GCC2: variants seen among roughly 807,000 people sequenced by gnomAD.
GCC2 encodes the protein GRIP and coiled-coil domain containing 2.
Under a neutral mutation model 210.6 loss-of-function variants are expected in GCC2, and 120 were observed. The ratio of observed to expected loss-of-function variants is 0.57; its 90% CI spans 0.49 to 0.66. The LOEUF is 0.66. GCC2 is among the 30% of genes least tolerant of loss of function. GCC2 has a pLI of 0.00. For synonymous variants in GCC2, 703 were observed against 652.7 expected (o/e 1.08, Z -1.17); for missense variants, 1,868 against 1,871.9 (o/e 1.00, Z 0.04).
rs150006188 is a variant in GCC2 at position 108,488,411 on chromosome 2, T to A, written c.4052+591T>A. Among the ~76,000 whole-genome samples, 721 of 152,312 alleles carry A rather than the reference T, an allele frequency of 4.7e-3. 7 individuals are homozygous for A. The highest frequency in any genetic ancestry group is 0.013 in the African/African-American group (547 of 41,574). ...GGCTAACAGTTCAATCTTAATAAGA[T>A]CTTGTCGTGGTAGAAATACAGGCAT... On this transcript the variant is annotated intron_variant, in intron 17 of 22. Transcript: ENST00000309863.
At chr2:108,458,587 A>AAAG (rs1680392411) in intron 4 of GCC2, among the ~76,000 whole-genome samples, 1 of 151,086 alleles carries the variant, frequency 6.6e-6, no homozygotes, top group Non-Finnish European at 1.5e-5. Flanking sequence ...TTTATTACTG[A>AAAG]TTCGTTCTTG....
chr2:108,505,007 C>T (rs1041050233), intron 22 of GCC2, among the ~76,000 whole-genome samples: 1 of 152,148 alleles, frequency 6.6e-6, no homozygotes, highest in Non-Finnish European at 1.5e-5. Flanking sequence ...GGATATAGAA[C>T]CTTATCAGAA....
chr2:108,489,727 A>C, intron 17 of GCC2, 111 bp from the exon 18 acceptor site: 2 of 583,414 alleles, frequency 3.4e-6, no homozygotes, highest in Non-Finnish European at 5.9e-6. Flanking sequence ...TTTCCTTTAG[A>C]ATCATCCAAG....
rs554151460 is a variant in GCC2, at chr2:108,505,400, C to T, written c.4985-2160C>T. On this transcript the variant is annotated intron_variant, in intron 22 of 22. Coordinates refer to ENST00000309863, the MANE Select transcript of GCC2 (RefSeq NM_181453.4). ...AAGACAGACTTCTCAGAATTCTTTGCCCTCATTCCCTCCTCCAGAAATTCA... is the reference window on the plus strand; with the variant it reads ...AAGACAGACTTCTCAGAATTCTTTGTCCTCATTCCCTCCTCCAGAAATTCA... Among the ~76,000 whole-genome samples the T allele has an allele frequency of 3.9e-5, 6 of 152,318 alleles. No homozygotes were observed. In the South Asian group the frequency reaches 1.0e-3, roughly 26 times the overall value.
intron 13 of GCC2, among the ~76,000 whole-genome samples, chr2:108,485,381 T>C (rs1252538360): frequency 1.3e-5 from 2 of 152,156 alleles, no homozygotes; most frequent in African/African-American, 4.8e-5. Flanking sequence ...CTTTAACATT[T>C]CTTAAGTACC....
chr2:108,495,553 T>G (rs1682611366), intron 20 of GCC2, 68 bp downstream of exon 20: 2 of 1,086,676 alleles, frequency 1.8e-6, no homozygotes, highest in Non-Finnish European at 2.6e-6. Context: ...ACTATTACTC[T>G]AAGTTACATA....
chr2:108,451,158 T>C, intron 3 of GCC2, 46 bp downstream of exon 3: 1 of 1,135,288 alleles, frequency 8.8e-7, no homozygotes, highest in Non-Finnish European at 1.3e-6. Context: ...TCTTTAATCG[T>C]GGTTTAAAAT....
rs78477242 is a variant in GCC2, at chr2:108,449,810, G to T, written c.63+121G>T. On this transcript the variant is annotated intron_variant, in intron 2 of 22. Coordinates refer to ENST00000309863, the MANE Select transcript of GCC2 (RefSeq NM_181453.4). ...TTTTTTTAATAGCCTTGCTCCAAGG[G>T]ATCTCAATTTTAGTGTGCGCAATCG... 21,178 of 712,786 alleles carry T rather than the reference G, an allele frequency of 0.03. 440 individuals carry two copies. The highest frequency in any genetic ancestry group is 0.08 in the Middle Eastern group (199 of 2,482). 44.2% of individuals were successfully genotyped at this position (712,786 alleles called of 1,614,324 possible).
chr2:108,464,907 A>C (rs886990240), intron 4 of GCC2, among the ~76,000 whole-genome samples: 1 of 152,174 alleles, frequency 6.6e-6, no homozygotes, highest in African/African-American at 2.4e-5. Flanking sequence ...TATTTATGGC[A>C]GAAGGCAAAG....
At chr2:108,504,592 C>T (rs1191746364) in intron 22 of GCC2, among the ~76,000 whole-genome samples, 2 of 152,090 alleles carry the variant, frequency 1.3e-5, no homozygotes, top group African/African-American at 4.8e-5. Context: ...TCACCTTGCC[C>T]CCACACACAT....
chr2:108,483,895 G>C (rs778386273), intron 12 of GCC2, among the ~76,000 whole-genome samples: 20 of 152,278 alleles, frequency 1.3e-4, no homozygotes, highest in Non-Finnish European at 2.1e-4. Context: ...ACAGCTGCTA[G>C]TTGTAGTTAG....
At chr2:108,507,430 G>C in intron 22 of GCC2, 130 bp from the exon 23 acceptor site, 2 of 480,386 alleles carry the variant, frequency 4.2e-6, no homozygotes, top group South Asian at 3.0e-5. Flanking sequence ...AAAAAGGCAT[G>C]TAATCAGTAA....
intron 6 of GCC2, among the ~76,000 whole-genome samples, chr2:108,472,386 A>C (rs1408142256): frequency 1.3e-5 from 2 of 152,124 alleles, no homozygotes; most frequent in African/African-American, 4.8e-5. Flanking sequence ...GAAGTTTATT[A>C]GTCACTAGCA....
chr2:108,486,533 C>T lies in GCC2; in HGVS notation c.3815C>T (p.Ser1272Leu), dbSNP rs754477036. The change falls in exon 16 of 23, where the codon TCA (serine) becomes TTA (leucine). Residue 1272 changes from serine to leucine, a missense_variant. By Grantham distance (145) the Ser-to-Leu change is moderately radical. Around this residue, in one of 3 missense-constraint regions of GCC2, gnomAD observed 1,847 missense variants for 1,765.2 expected, o/e 1.05. Coordinates refer to ENST00000309863, the MANE Select transcript of GCC2 (RefSeq NM_181453.4). ...VYKIQLAEITSEKHKIHEHLK... is the reference protein window; with the variant it reads ...VYKIQLAEITLEKHKIHEHLK... ...CAGATACAGCTGGCTGAAATAACATCAGAGAAGCACAAAATCCACGAGCAC... is the reference window on the plus strand; with the variant it reads ...CAGATACAGCTGGCTGAAATAACATTAGAGAAGCACAAAATCCACGAGCAC... 1.9e-6 allele frequency: 3 copies of T among 1,613,984 alleles called. No homozygotes were observed. The African/African-American group carries it at 4.0e-5, about 22-fold the overall frequency.
chr2:108,458,350 A>G (rs962745029), intron 4 of GCC2, among the ~76,000 whole-genome samples: 1 of 144,922 alleles, frequency 6.9e-6, no homozygotes, highest in Admixed American at 6.8e-5. Context: ...ATTGGTGTTC[A>G]TCAGGGATAT....
rs555826954 is a variant in GCC2, at chr2:108,452,616, G to T, written c.216+150G>T. The T allele has an allele frequency of 1.1e-4, 67 of 613,642 alleles. No homozygotes were observed. The African/African-American group carries it at 1.1e-3, about 10-fold the overall frequency. 38.0% of individuals were successfully genotyped at this position (613,642 alleles called of 1,614,324 possible). A position where few individuals can be genotyped will look rare whatever the true frequency, so the allele number is the denominator to read the frequency against. ...ATCTGATTCACTGTAAAAAGAGGGG[G>T]TTAATGACCTCTGGGTCTCTTTCTG... is the stretch of plus-strand genomic sequence containing the variant. On this transcript the variant is annotated intron_variant, in intron 4 of 22. Transcript: ENST00000309863.
At chr2:108,497,163 C>T in intron 21 of GCC2, 54 bp downstream of exon 21, 3 of 1,610,888 alleles carry the variant, frequency 1.9e-6, no homozygotes, top group Admixed American at 1.7e-5. Context: ...TTTTCTTGAC[C>T]CTCCATACAC....
At chr2:108,452,070 G>A (rs1573336051) in intron 3 of GCC2, among the ~76,000 whole-genome samples, 1 of 151,800 alleles carries the variant, frequency 6.6e-6, no homozygotes, top group Admixed American at 6.6e-5. Context: ...TCTCGATAAC[G>A]TTTATTCTTA....
intron 17 of GCC2, among the ~76,000 whole-genome samples, chr2:108,489,090 T>C (rs1485273589): frequency 6.6e-6 from 1 of 152,250 alleles, no homozygotes; most frequent in Non-Finnish European, 1.5e-5. Context: ...TTGTACTCAT[T>C]GTGGCAGAAT....
Sources: allele counts gnomAD v4.1 joint callset (sites outside exome capture counted in the v4.1 genomes callset), GRCh38; gene constraint gnomAD v4.1.1; regional missense constraint gnomAD v4.1.1; transcripts MANE v1.5; gene names NCBI Gene and HGNC (gene_info 2026-07-23, HGNC 2026-07-21).